The following ZCCHC2 variants were observed in gnomAD, a reference collection of about 807,000 sequenced individuals.
ZCCHC2 encodes the protein zinc finger CCHC domain-containing protein 2.
Under a neutral mutation model 103.6 loss-of-function variants are expected in ZCCHC2, and 39 were observed. The observed-to-expected ratio is 0.38, with a 90% CI of 0.29 to 0.49. The LOEUF is 0.49. Among genes scored for constraint, ZCCHC2 ranks in the 20% least tolerant of loss-of-function variants. ZCCHC2 has a pLI of 0.96. For missense variants in ZCCHC2, 1,483 were observed against 1,491.0 expected, an observed-to-expected ratio of 0.99 and a Z score of 0.09; for synonymous variants, 687 against 608.9, an observed-to-expected ratio of 1.13 and a Z score of -1.89.
In ZCCHC2 at chr18:62,576,820, G is replaced by T; in HGVS notation, c.*241G>T. ...ATGATACATGTAATTTAAACCTTCA[G>T]ACAAACTTAAATGTTGGTGCGTGCT... On this transcript the variant is annotated 3_prime_UTR_variant, in exon 14 of 14. Coordinates refer to ENST00000269499, the MANE Select transcript of ZCCHC2 (RefSeq NM_017742.6). The T allele has an allele frequency of 3.0e-6, 1 of 337,046 alleles. No homozygotes were observed. Among genetic ancestry groups the T allele is most frequent in the Non-Finnish European group, 5.4e-6 (1 of 185,318 alleles). The allele number at this position is 337,046 out of a possible 1,614,324, so 20.9% of individuals were successfully genotyped here.
chr18:62,551,783 GA>G (rs1915675662), intron 5 of ZCCHC2: 1 of 152,816 alleles, frequency 6.5e-6, no homozygotes, highest in South Asian at 2.1e-4. Context: ...TGTTTTACTG[GA>G]AACTTGCAGT....
rs951967815 is a variant in ZCCHC2 at position 62,578,394 on chromosome 18, A to G, written c.*1815A>G. 6.6e-6 allele frequency: 1 copy of G among 152,608 alleles called. No individual in the cohort carries two copies. Among genetic ancestry groups the G allele is most frequent in the African/African-American group, 2.4e-5 (1 of 41,418 alleles). The allele number at this position is 152,608 out of a possible 1,614,324, so 9.5% of individuals were successfully genotyped here. On this transcript the variant is annotated 3_prime_UTR_variant, in exon 14 of 14. Coordinates refer to ENST00000269499, the MANE Select transcript of ZCCHC2 (RefSeq NM_017742.6). The stretch of plus-strand genomic sequence containing the variant: ...TTGCCAGTTGTACTTTATGGAGCTT[A>G]TTTTATGATTTAAAATACTGTACTG...
intron 12 of ZCCHC2, among the ~76,000 whole-genome samples, chr18:62,571,398 AGG>A (rs1916595640): frequency 6.6e-6 from 1 of 152,236 alleles, no homozygotes; most frequent in African/African-American, 2.4e-5. Context: ...AAGTAGGACA[AGG>A]GGAAAATGCC....
chr18:62,559,799 T>G (rs1376483032), intron 7 of ZCCHC2, among the ~76,000 whole-genome samples: 1 of 152,214 alleles, frequency 6.6e-6, no homozygotes, highest in African/African-American at 2.4e-5. Context: ...TATAGTACAA[T>G]TGGCTCTCCA....
intron 9 of ZCCHC2, 47 bp from the exon 10 acceptor site, chr18:62,564,524 A>G: frequency 7.3e-7 from 1 of 1,369,140 alleles, no homozygotes; most frequent in African/African-American, 1.5e-5. Flanking sequence ...AAAAACGTCA[A>G]AATGGTTTAG....
intron 1 of ZCCHC2, among the ~76,000 whole-genome samples, chr18:62,534,903 T>C (rs939169039): frequency 6.6e-6 from 1 of 152,262 alleles, no homozygotes; most frequent in African/African-American, 2.4e-5. Context: ...TAATGCAGTG[T>C]TGGCAACACT....
rs1021606879 is a variant in ZCCHC2 at position 62,539,573 on chromosome 18, T to C, written c.940-108T>C. 19 of 896,588 alleles carry C rather than the reference T, an allele frequency of 2.1e-5. 1 individual carries two copies. The Admixed American group carries it at 2.3e-4, about 11-fold the overall frequency. The allele number at this position is 896,588 out of a possible 1,614,324, so 55.5% of individuals were successfully genotyped here. A position where few individuals can be genotyped will look rare whatever the true frequency, so the allele number is the denominator to read the frequency against. ...AGTGTGCAGTCACCTATTGGACCTCTAAAAATTGCCACTAAAATGGTTGTT... is the reference window on the plus strand; with the variant it reads ...AGTGTGCAGTCACCTATTGGACCTCCAAAAATTGCCACTAAAATGGTTGTT... On this transcript the variant is annotated intron_variant, in intron 1 of 13. Coordinates refer to ENST00000269499, the MANE Select transcript of ZCCHC2 (RefSeq NM_017742.6).
chr18:62,524,640 C>T, intron 1 of ZCCHC2: 1 of 429,062 alleles, frequency 2.3e-6, no homozygotes, highest in Non-Finnish European at 4.0e-6. Flanking sequence ...CCACGGAAGA[C>T]GTGGAGCTCC....
In ZCCHC2 at chr18:62,523,374, C is replaced by CGGCGGG; in HGVS notation, c.-48_-47insGGGGGC. 8.9e-6 allele frequency: 9 copies of CGGCGGG among 1,013,902 alleles called. No individual in the cohort carries two copies. Among genetic ancestry groups the CGGCGGG allele is most frequent in the Non-Finnish European group, 9.4e-6 (8 of 850,256 alleles). The allele number at this position is 1,013,902 out of a possible 1,614,324, so 62.8% of individuals were successfully genotyped here. A position where few individuals can be genotyped will look rare whatever the true frequency, so the allele number is the denominator to read the frequency against. ...CCGCCTCGGCCCGTGCTCCACCTCG[C>CGGCGGG]GGCCCCTCCCGCCCGCCCCCGCTCG... On this transcript the variant is annotated 5_prime_UTR_variant, in exon 1 of 14. Transcript: ENST00000269499.
In ZCCHC2 at chr18:62,570,151, C is replaced by G; in HGVS notation, c.1895C>G (p.Ser632Cys). The G allele has an allele frequency of 1.2e-6, 2 of 1,612,590 alleles. No individual in the cohort carries two copies. The highest frequency in any genetic ancestry group is 8.5e-7 in the Non-Finnish European group (1 of 1,179,210). Reference sequence around the variant, plus strand: ...GGACATGACACATGTGGAGAAACATCTTCAGAGAGTTACAGTTCTCCATCT... The same window carrying G: ...GGACATGACACATGTGGAGAAACATGTTCAGAGAGTTACAGTTCTCCATCT... ...GSGHDTCGET[S>C]SESYSSPSSP... Residue 632 changes from serine to cysteine, a missense_variant, in exon 12 of 14, where the codon TCT (serine) becomes TGT (cysteine). By Grantham distance (112) the Ser-to-Cys change is moderately radical (BLOSUM62 -1). Around this residue, in one of 3 missense-constraint regions of ZCCHC2, gnomAD observed 884 missense variants for 907.5 expected, o/e 0.97. Transcript: ENST00000269499.
rs551396898 is a variant in ZCCHC2, at chr18:62,533,654, G to A, written c.940-6027G>A. On this transcript the variant is annotated intron_variant, in intron 1 of 13. Coordinates refer to ENST00000269499, the MANE Select transcript of ZCCHC2 (RefSeq NM_017742.6). ...GGCCAAGGCAGGTGGATCACCTGAG[G>A]CCAGGAGTTCGAGACCAGCCTGACC... Among the ~76,000 whole-genome samples, 5 of 152,062 alleles carry A rather than the reference G, an allele frequency of 3.3e-5. No homozygotes were observed. In the South Asian group the frequency reaches 1.0e-3, roughly 31 times the overall value.
Position 62,523,808 on chromosome 18 carries a change from C to T in ZCCHC2, c.384C>T (p.Arg128=). ...LLDLCNPLEL[R]FLGSCLEDLA... is the part of the protein sequence containing the mutation. The stretch of plus-strand genomic sequence containing the variant: ...ACCTGTGCAACCCGCTGGAGCTGCG[C>T]TTCCTTGGCTCGTGCCTGGAGGACC... The change falls in exon 1 of 14, where the codon CGC becomes CGT. Residue 128 remains arginine, a synonymous_variant. Transcript: ENST00000269499. 6 of 1,543,466 alleles carry T rather than the reference C, an allele frequency of 3.9e-6. No homozygotes were observed. The highest frequency in any genetic ancestry group is 5.2e-6 in the Non-Finnish European group (6 of 1,146,234).
At chr18:62,573,857 G>GTTTTCTTTGTTT (rs1916688274) in intron 12 of ZCCHC2, among the ~76,000 whole-genome samples, 200 bp from the exon 13 acceptor site, 2 of 152,022 alleles carry the variant, frequency 1.3e-5, no homozygotes, top group Non-Finnish European at 2.9e-5. Context: ...TTATATCCCC[G>GTTTTCTTTGTTT]TATTTTAAAA....
rs1190613231 is a variant in ZCCHC2, at chr18:62,560,630, A to G, written c.1536A>G (p.Lys512=). The part of the protein sequence containing the change: ...HAIIHKKHTG[K]SPIVNNIGTS... ...TAATCCACAAGAAGCATACTGGGAA[A>G]AGTCCCATTGTGAAGTAAGTATCCT... The change falls in exon 8 of 14, where the codon AAA becomes AAG. Residue 512 remains lysine (K), a synonymous_variant. Transcript: ENST00000269499. 6 of 1,613,332 alleles carry G rather than the reference A, an allele frequency of 3.7e-6. No individual in the cohort carries two copies. Among genetic ancestry groups the G allele is most frequent in the Non-Finnish European group, 5.1e-6 (6 of 1,179,516 alleles).
chr18:62,580,394 A>C (rs924640005), downstream of ZCCHC2, among the ~76,000 whole-genome samples: 4 of 152,260 alleles, frequency 2.6e-5, no homozygotes, highest in African/African-American at 9.6e-5. Context: ...GTTGTAGGAC[A>C]TGCAAGTATT....
intron 12 of ZCCHC2, 125 bp downstream of exon 12, chr18:62,570,356 G>T (rs948962083): frequency 5.1e-6 from 6 of 1,188,002 alleles, no homozygotes; most frequent in Non-Finnish European, 7.1e-6. Flanking sequence ...GCCATTAACT[G>T]ATTTTAAATG....
At chr18:62,558,632 G>C (rs72941651) in intron 6 of ZCCHC2, 55 bp from the exon 7 acceptor site, 254,215 of 1,058,528 alleles carry the variant, frequency 0.24, 32,261 homozygotes, top group African/African-American at 0.32. Context: ...TATTATATTT[G>C]TTTTCTTTAT....
At chr18:62,539,035 C>G (rs191502550) in intron 1 of ZCCHC2, among the ~76,000 whole-genome samples, 129 of 152,234 alleles carry the variant, frequency 8.5e-4, no homozygotes, top group Admixed American at 3.3e-3. Context: ...TGTGACAGTG[C>G]TTGATTTCTG....
chr18:62,535,466 T>G (rs888685518), intron 1 of ZCCHC2, among the ~76,000 whole-genome samples: 12 of 152,204 alleles, frequency 7.9e-5, no homozygotes, highest in African/African-American at 2.7e-4. Flanking sequence ...TTACCATCTC[T>G]CACAGTTTTG....
Sources: allele counts gnomAD v4.1 joint callset (sites outside exome capture counted in the v4.1 genomes callset), GRCh38; gene constraint gnomAD v4.1.1; regional missense constraint gnomAD v4.1.1; transcripts MANE v1.5; gene names NCBI Gene and HGNC (gene_info 2026-07-23, HGNC 2026-07-21).